The following SORL1 variants were observed in gnomAD, a reference collection of about 807,000 sequenced individuals.
The protein encoded by SORL1 is sortilin-related receptor.
SORL1 carries 127 observed loss-of-function variants against 273.7 expected under a neutral mutation model. That is an observed-to-expected ratio of 0.46 (90% CI 0.40 to 0.54). The LOEUF (loss-of-function observed/expected upper bound fraction) is 0.54. Among genes scored for constraint, SORL1 ranks in the 20% least tolerant of loss-of-function variants. SORL1 has a pLI of 0.00. For synonymous variants in SORL1, 1,031 were observed against 1,067.4 expected, an observed-to-expected ratio of 0.97 and a Z score of 0.66; for missense variants, 2,494 against 2,846.1, an observed-to-expected ratio of 0.88 and a Z score of 2.81.
At chr11:121,512,807 G>A (rs1364897338) in intron 6 of SORL1, among the ~76,000 whole-genome samples, 196 bp from the exon 7 acceptor site, 1 of 152,124 alleles carries the variant, frequency 6.6e-6, no homozygotes, top group South Asian at 2.1e-4. Context: ...TGCAAACCGG[G>A]TATCTAAGAT....
chr11:121,529,813 A>T (rs1862176842), intron 11 of SORL1, among the ~76,000 whole-genome samples: 1 of 152,152 alleles, frequency 6.6e-6, no homozygotes, highest in Non-Finnish European at 1.5e-5. Flanking sequence ...TAATATAATT[A>T]TTGATGTATT....
chr11:121,581,926 G>A (rs746435355), intron 25 of SORL1, among the ~76,000 whole-genome samples: 9 of 152,214 alleles, frequency 5.9e-5, no homozygotes, highest in Non-Finnish European at 1.0e-4. Flanking sequence ...CTTGTGACAC[G>A]AATAAATCAA....
intron 7 of SORL1, 85 bp downstream of exon 7, chr11:121,513,189 C>A: frequency 3.0e-6 from 3 of 991,154 alleles, no homozygotes; most frequent in South Asian, 1.3e-5. Flanking sequence ...GGATGGCCTG[C>A]TGGAGTGGAT....
intron 1 of SORL1, among the ~76,000 whole-genome samples, chr11:121,460,580 T>C (rs1273667652): frequency 2.0e-5 from 3 of 151,912 alleles, no homozygotes; most frequent in Admixed American, 2.0e-4. Flanking sequence ...GTATTTTTAG[T>C]AGAGATGAGG....
intron 1 of SORL1, 49 bp from the exon 2 acceptor site, chr11:121,469,958 G>T (rs1861144162): frequency 8.9e-7 from 1 of 1,118,498 alleles, no homozygotes; most frequent in Non-Finnish European, 1.4e-6. Context: ...TAGAATGTGT[G>T]TGGCCATCAC....
At chr11:121,604,153 GC>G (rs1236882242) in intron 32 of SORL1, 39 bp from the exon 33 acceptor site, 2 of 1,610,120 alleles carry the variant, frequency 1.2e-6, no homozygotes, top group Admixed American at 1.7e-5. Flanking sequence ...GTACCATACG[GC>G]CCCTCCCCGT....
At chr11:121,601,696 G>A (rs1273394830) in intron 32 of SORL1, among the ~76,000 whole-genome samples, 1 of 151,548 alleles carries the variant, frequency 6.6e-6, no homozygotes, top group East Asian at 1.9e-4. Flanking sequence ...GATTACAGGT[G>A]CACACTACCG....
intron 9 of SORL1, 103 bp from the exon 10 acceptor site, chr11:121,522,483 T>A (rs1862054370): frequency 1.2e-6 from 1 of 843,952 alleles, no homozygotes; most frequent in Non-Finnish European, 2.0e-6. Context: ...CAGGCCTCCT[T>A]GCCCCGTGTC....
rs1862819084 is a variant in SORL1, at chr11:121,570,174, A to T, written c.3241A>T (p.Asn1081Tyr). The change falls in exon 23 of 48, where the codon AAC (asparagine) becomes TAC (tyrosine). Residue 1081 changes from asparagine (N) to tyrosine (Y), a missense_variant. Physicochemically the swap from Asn to Tyr is moderately radical, Grantham distance 143. Around this residue, in one of 3 missense-constraint regions of SORL1, gnomAD observed 1,609 missense variants for 1,816.4 expected, o/e 0.89. Transcript: ENST00000260197. ...CVKQENTCLR[N>Y]QYRCSNGNCI... ...ATGGGTAGAGAACACCTGTCTTCGC[A>T]ACCAGTATCGCTGCAGCAACGGGAA... 6.2e-7 allele frequency: 1 copy of T among 1,613,748 alleles called. No individual in the cohort carries two copies. Among genetic ancestry groups the T allele is most frequent in the Non-Finnish European group, 8.5e-7 (1 of 1,179,764 alleles).
intron 25 of SORL1, among the ~76,000 whole-genome samples, chr11:121,580,452 A>C (rs1259740507): frequency 6.6e-6 from 1 of 151,930 alleles, no homozygotes; most frequent in Non-Finnish European, 1.5e-5. Flanking sequence ...TATTTCCATG[A>C]GTATACGTTT....
chr11:121,490,885 T>A (rs1351540003), intron 5 of SORL1, among the ~76,000 whole-genome samples: 1 of 152,110 alleles, frequency 6.6e-6, no homozygotes, highest in African/African-American at 2.4e-5. Flanking sequence ...AGGAAAGACA[T>A]TTCAGGTACG....
chr11:121,490,857 A>T (rs1861542667), intron 5 of SORL1, among the ~76,000 whole-genome samples: 1 of 152,202 alleles, frequency 6.6e-6, no homozygotes, highest in Non-Finnish European at 1.5e-5. Context: ...TTATGGATAT[A>T]GTTATTAAGG....
chr11:121,604,116 T>C, intron 32 of SORL1, 77 bp from the exon 33 acceptor site: 1 of 1,560,296 alleles, frequency 6.4e-7, no homozygotes, highest in Non-Finnish European at 8.7e-7. Context: ...TTTGCCTAAA[T>C]GGGAATAAAC....
At chr11:121,496,622 C>G (rs1861632979) in intron 5 of SORL1, among the ~76,000 whole-genome samples, 1 of 152,210 alleles carries the variant, frequency 6.6e-6, no homozygotes, top group Non-Finnish European at 1.5e-5. Flanking sequence ...CTAAGCAGGG[C>G]AGGGTTGCCT....
intron 12 of SORL1, among the ~76,000 whole-genome samples, chr11:121,538,778 A>G (rs192020812): frequency 0.016 from 2,407 of 152,186 alleles, 37 homozygotes; most frequent in Middle Eastern, 0.038. Flanking sequence ...TCCCAGGTTC[A>G]AGCGATTCTC....
chr11:121,472,374 A>C (rs1356401652), intron 2 of SORL1, among the ~76,000 whole-genome samples: 6 of 152,242 alleles, frequency 3.9e-5, no homozygotes, highest in Admixed American at 3.9e-4. Flanking sequence ...GCATTGTTTT[A>C]TAGTTTTGCT....
rs546172357 is a variant in SORL1, at chr11:121,627,466, CT to C, written c.6365-82del. The C allele has an allele frequency of 1.7e-5, 18 of 1,087,582 alleles. No individual in the cohort carries two copies. Among genetic ancestry groups the C allele is most frequent in the Non-Finnish European group, 1.8e-5 (13 of 717,474 alleles). The allele number at this position is 1,087,582 out of a possible 1,614,324, so 67.4% of individuals were successfully genotyped here. On this transcript the variant is annotated intron_variant, in intron 46 of 47. Coordinates refer to ENST00000260197, the MANE Select transcript of SORL1 (RefSeq NM_003105.6). The surrounding 1 kb of genome is among the most constrained non-coding windows in gnomAD (Gnocchi z 4.9). ...TTGTGTAGCTGTGGCTATCGCCCAG[CT>C]TTTTTTGGTGGGTGGGGCCTTGAGG...
chr11:121,550,690 C>T lies in SORL1; in HGVS notation c.2266+20C>T, dbSNP rs1862495684. ...TGGCAGGTAAGAGAGGTGGTTTCTT[C>T]CCTTTCATTTCTTGAGACATGGTTG... On this transcript the variant is annotated intron_variant, in intron 16 of 47. Coordinates refer to ENST00000260197, the MANE Select transcript of SORL1 (RefSeq NM_003105.6). The surrounding 1 kb of genome is among the most constrained non-coding windows in gnomAD (Gnocchi z 5.3). 1.3e-6 allele frequency: 2 copies of T among 1,592,748 alleles called. No individual in the cohort carries two copies. Among genetic ancestry groups the T allele is most frequent in the African/African-American group, 1.3e-5 (1 of 74,558 alleles).
intron 3 of SORL1, among the ~76,000 whole-genome samples, chr11:121,479,237 C>T (rs924345134): frequency 5.9e-5 from 9 of 152,194 alleles, no homozygotes; most frequent in African/African-American, 1.9e-4. Context: ...GGGCAGGAAC[C>T]GGGCAGCCGG....
Sources: allele counts gnomAD v4.1 joint callset (sites outside exome capture counted in the v4.1 genomes callset), GRCh38; gene constraint gnomAD v4.1.1; regional missense constraint gnomAD v4.1.1; non-coding constraint Gnocchi (gnomAD v3.1); transcripts MANE v1.5; gene names NCBI Gene and HGNC (gene_info 2026-07-23, HGNC 2026-07-21).